TMEM181: variants seen among roughly 807,000 people sequenced by gnomAD.
TMEM181 encodes the protein G protein-coupled receptor 178.
A neutral mutation model predicts 71.9 loss-of-function variants in TMEM181; 39 were observed. The observed-to-expected ratio is 0.54, with a 90% confidence interval of 0.42 to 0.71. The LOEUF (loss-of-function observed/expected upper bound fraction) is 0.71, where lower values mean the gene tolerates loss of function less well. Ranked by LOEUF, TMEM181 falls within the 30% of genes least tolerant of loss-of-function variation. The pLI, the probability that TMEM181 is intolerant of heterozygous loss-of-function variation, is 0.00. For missense variants in TMEM181, 595 were observed against 583.0 expected (o/e 1.02, Z -0.21); for synonymous variants, 245 against 228.8 (o/e 1.07, Z -0.64).
At chr6:158,544,560 G>A (rs546881514) in intron 1 of TMEM181, among the ~76,000 whole-genome samples, 103 of 152,308 alleles carry the variant, frequency 6.8e-4, no homozygotes, top group African/African-American at 2.2e-3. Context: ...GGGACGGGGC[G>A]CTCATTTCCC....
At chr6:158,547,495 A>G (rs1376407459) in intron 1 of TMEM181, among the ~76,000 whole-genome samples, 2 of 151,842 alleles carry the variant, frequency 1.3e-5, no homozygotes, top group African/African-American at 2.4e-5. Flanking sequence ...CAGTACAAAT[A>G]CTCTCATGCT....
chr6:158,631,685 T>A (rs1197254833), intron 16 of TMEM181, 125 bp from the exon 17 acceptor site: 5 of 1,095,068 alleles, frequency 4.6e-6, no homozygotes, highest in Non-Finnish European at 2.7e-6. Context: ...CAGTAGCAGT[T>A]GGTGATAGAA....
chr6:158,608,102 G>T (rs1382012681), intron 8 of TMEM181, among the ~76,000 whole-genome samples: 2 of 152,186 alleles, frequency 1.3e-5, no homozygotes, highest in Admixed American at 6.5e-5. Context: ...CTTTCCTTTG[G>T]CTCTGACCAG....
intron 7 of TMEM181, among the ~76,000 whole-genome samples, chr6:158,605,810 T>C (rs1053837449): frequency 2.0e-5 from 3 of 152,192 alleles, no homozygotes; most frequent in Non-Finnish European, 4.4e-5. Flanking sequence ...GATCTGAGGT[T>C]TGTGTCCACA....
chr6:158,596,681 G>A (rs919446620), intron 6 of TMEM181, among the ~76,000 whole-genome samples: 1 of 152,162 alleles, frequency 6.6e-6, no homozygotes, highest in African/African-American at 2.4e-5. Flanking sequence ...AAGAAAAAGG[G>A]GTTTAATTGG....
rs60295531 is a variant in TMEM181 at position 158,594,099 on chromosome 6, C to CTTT, written c.492+4336_492+4338dup. On this transcript the variant is annotated intron_variant, in intron 6 of 16. Transcript: ENST00000684151. ...CTTTTTACTATTTCCATGGTTTTGC[C>CTTT]TTTTTTTTTTTTTTTTTTTTTCTGA... Among the ~76,000 whole-genome samples, 722 of 114,010 alleles carry CTTT rather than the reference C, an allele frequency of 6.3e-3. 15 individuals carry two copies. Among genetic ancestry groups the CTTT allele is most frequent in the Non-Finnish European group, 1.0e-2 (582 of 58,210 alleles). 74.8% of individuals were successfully genotyped at this position (114,010 alleles called of 152,430 possible).
rs1423795575 is a variant in TMEM181, at chr6:158,584,045, G to A, written c.259+1G>A. ...GTTGTTGAGTTGGATCAATCAAAAG[G>A]TATGGAGCTTGACATTTTGGAATGA... On this transcript the variant is annotated splice_donor_variant, in intron 4 of 16. Coordinates refer to ENST00000684151, the MANE Select transcript of TMEM181 (RefSeq NM_001376852.1). LOFTEE classifies it high-confidence loss of function. 6.2e-7 allele frequency: 1 copy of A among 1,602,034 alleles called. No individual in the cohort carries two copies. The highest frequency in any genetic ancestry group is 1.7e-5 in the Admixed American group (1 of 58,432).
In TMEM181 at chr6:158,632,193, A is replaced by AT. The variant is rs1786704024; in HGVS notation, c.*307dup. ...AAATTTCACGTTTTTAGTACAGTGA[A>AT]TTATGTACTTTTTTTTCCTGTAATC... On this transcript the variant is annotated 3_prime_UTR_variant, in exon 17 of 17. Coordinates refer to ENST00000684151, the MANE Select transcript of TMEM181 (RefSeq NM_001376852.1). 2.9e-6 allele frequency: 1 copy of AT among 348,394 alleles called. No individual in the cohort carries two copies. Among genetic ancestry groups the AT allele is most frequent in the Non-Finnish European group, 5.4e-6 (1 of 186,124 alleles). The allele number at this position is 348,394 out of a possible 1,614,324, so 21.6% of individuals were successfully genotyped here.
intron 1 of TMEM181, among the ~76,000 whole-genome samples, chr6:158,546,588 T>G (rs921127742): frequency 6.6e-6 from 1 of 152,250 alleles, no homozygotes; most frequent in Non-Finnish European, 1.5e-5. Context: ...GTTCATCTTC[T>G]AGATCTCTCT....
At position 158,580,922 on chromosome 6, in the gene TMEM181, T is replaced by C; in HGVS notation, c.113-18T>C. ...ATATTGCTATAATCTGCTTTTGTCC[T>C]TTTCTGTTACACTTTAGGACCTAAA... is the stretch of plus-strand genomic sequence containing the variant. On this transcript the variant is annotated intron_variant, in intron 2 of 16. Coordinates refer to ENST00000684151, the MANE Select transcript of TMEM181 (RefSeq NM_001376852.1). 6.3e-7 allele frequency: 1 copy of C among 1,582,378 alleles called. No homozygotes were observed. The highest frequency in any genetic ancestry group is 1.1e-5 in the South Asian group (1 of 88,760).
rs561271614 is a variant in TMEM181, at chr6:158,539,506, C to T, written c.131+2641C>T. ...CCTTATTGGTGGTTTATGAGTAAAA[C>T]GCACCAGCTCTTTCCCCTGGAGGAC... On this transcript the variant is annotated intron_variant, in intron 1 of 16. Coordinates refer to the TMEM181 transcript ENST00000367090. 3.9e-5 allele frequency among the ~76,000 whole-genome samples: 6 copies of T among 152,288 alleles called. No homozygotes were observed. The East Asian group carries it at 7.7e-4, about 20-fold the overall frequency.
At chr6:158,599,517 A>G (rs1265109630) in intron 6 of TMEM181, among the ~76,000 whole-genome samples, 1 of 152,250 alleles carries the variant, frequency 6.6e-6, no homozygotes. Flanking sequence ...ATTTCATTTT[A>G]CTTATTTTAC....
chr6:158,569,154 A>T (rs1265409849), intron 1 of TMEM181, among the ~76,000 whole-genome samples: 1 of 152,110 alleles, frequency 6.6e-6, no homozygotes, highest in Non-Finnish European at 1.5e-5. Flanking sequence ...GAACTTTTAG[A>T]TTGGAAGTCG....
At chr6:158,605,408 C>A in intron 7 of TMEM181, 61 bp downstream of exon 7, 3 of 1,478,418 alleles carry the variant, frequency 2.0e-6, no homozygotes, top group South Asian at 1.1e-5. Flanking sequence ...CTGGTTTATG[C>A]AGTTAGGATC....
Position 158,593,988 on chromosome 6 carries a change from G to A in TMEM181, c.492+4206G>A, listed in dbSNP as rs114889520. The stretch of plus-strand genomic sequence containing the variant: ...TGTAGGATCCACTATTTGTAGTACC[G>A]TAGAGTTCATTTCAGTGCCCTGAAA... On this transcript the variant is annotated intron_variant, in intron 6 of 16. Coordinates refer to ENST00000684151, the MANE Select transcript of TMEM181 (RefSeq NM_001376852.1). Among the ~76,000 whole-genome samples, 1,225 of 151,914 alleles carry A rather than the reference G, an allele frequency of 8.1e-3. 14 individuals carry two copies. Among genetic ancestry groups the A allele is most frequent in the African/African-American group, 0.028 (1,169 of 41,406 alleles).
chr6:158,608,476 C>T lies in TMEM181; in HGVS notation c.804+13C>T, dbSNP rs780209281. Reference sequence around the variant, plus strand: ...GATTCGTGTCCAGGTGAGCCGGAGCCGCCCTCACTGCCGGGGGAGGTTCCA... The same window carrying T: ...GATTCGTGTCCAGGTGAGCCGGAGCTGCCCTCACTGCCGGGGGAGGTTCCA... On this transcript the variant is annotated intron_variant, in intron 9 of 16. Coordinates refer to ENST00000684151, the MANE Select transcript of TMEM181 (RefSeq NM_001376852.1). 2.7e-5 allele frequency: 43 copies of T among 1,614,032 alleles called. No individual in the cohort carries two copies. Among genetic ancestry groups the T allele is most frequent in the Admixed American group, 2.2e-4 (13 of 60,008 alleles).
At position 158,628,484 on chromosome 6, in the gene TMEM181, C is replaced by G. The variant is rs1443063460; in HGVS notation, c.1186C>G (p.Gln396Glu). The G allele has an allele frequency of 2.5e-6, 4 of 1,614,044 alleles. No individual in the cohort carries two copies. The highest frequency in any genetic ancestry group is 3.4e-6 in the Non-Finnish European group (4 of 1,179,920). Residue 396 changes from glutamine (Q) to glutamate (E), a missense_variant, in exon 14 of 17, where the codon CAG becomes GAG. Transcript: ENST00000684151. ...TGTAGCAGAGCTGTCAACTCACTAC[C>G]AGAATTATATCCTTTTCACTGGAGG... ...NFVAELSTHY[Q>E]NSAEFLSFYG... is the part of the protein sequence containing the mutation.
chr6:158,553,796 A>G (rs1399846360), intron 1 of TMEM181, among the ~76,000 whole-genome samples: 1 of 152,258 alleles, frequency 6.6e-6, no homozygotes, highest in African/African-American at 2.4e-5. Context: ...TAATTAATAT[A>G]GAGAGCAAGT....
rs1235585311 is a variant in TMEM181 at position 158,596,375 on chromosome 6, A to G, written c.492+6593A>G. ...GCCGTGTGTGGCTGGCTGTACTGAC[A>G]CAATCAACCTTTGAGGGTTTCTGTT... On this transcript the variant is annotated intron_variant, in intron 6 of 16. Coordinates refer to ENST00000684151, the MANE Select transcript of TMEM181 (RefSeq NM_001376852.1). Among the ~76,000 whole-genome samples, 9 of 152,174 alleles carry G rather than the reference A, an allele frequency of 5.9e-5. No individual in the cohort carries two copies. In the East Asian group the frequency reaches 1.7e-3, roughly 29 times the overall value.
Sources: gnomAD v4.1 joint callset for allele counts (sites outside exome capture counted in the v4.1 genomes callset) on GRCh38, gnomAD v4.1.1 for gene constraint, MANE v1.5 for transcripts, NCBI Gene and HGNC (gene_info 2026-07-23, HGNC 2026-07-21) for gene names.